Variants in TRPV3 observed in about 807,000 individuals in gnomAD.
The protein encoded by TRPV3 is VRL-3.
In TRPV3, 88 loss-of-function variants were observed where a neutral mutation model predicts 87.1. The observed-to-expected ratio is 1.01, with a 90% CI of 0.85 to 1.21. The LOEUF (loss-of-function observed/expected upper bound fraction) is 1.21. Among genes scored for constraint, TRPV3 ranks in the 50% most tolerant of loss-of-function variants. The probability of loss-of-function intolerance (pLI) is 0.00; values close to 1 mark genes in which losing one functional copy is unlikely to be tolerated. For synonymous variants in TRPV3, 438 were observed against 423.3 expected (o/e 1.03, Z -0.43); for missense variants, 1,054 against 1,030.1 (o/e 1.02, Z -0.32).
At chr17:3,529,932 C>A in intron 9 of TRPV3, 95 bp downstream of exon 9, 1 of 1,405,794 alleles carries the variant, frequency 7.1e-7, no homozygotes, top group South Asian at 1.4e-5. Context: ...AGGGATGGAG[C>A]TGGCAGCACT....
intron 3 of TRPV3, 63 bp downstream of exon 3, chr17:3,545,103 TG>T: frequency 8.3e-7 from 1 of 1,211,448 alleles, no homozygotes. Flanking sequence ...GGCAAGTCAC[TG>T]GCCACATGCT....
chr17:3,531,827 G>C (rs1184284086), intron 8 of TRPV3, among the ~76,000 whole-genome samples: 1 of 152,128 alleles, frequency 6.6e-6, no homozygotes. Context: ...GAATCAAAAG[G>C]CCCCTTGTGG....
Position 3,518,682 on chromosome 17 carries a change from G to A in TRPV3, c.1979C>T (p.Thr660Ile). ...YPILFLFLLI[T>I]YVILTFVLLL... ...GAGAACAAAGGTGAGGATGACATAGGTGATGAGCAGGAACAGAAAGAGAAT... is the reference window on the plus strand; with the variant it reads ...GAGAACAAAGGTGAGGATGACATAGATGATGAGCAGGAACAGAAAGAGAAT... The change falls in exon 15 of 18, where the codon ACC becomes ATC. Residue 660 changes from threonine to isoleucine, a missense_variant. Thr to Ile is a moderately conservative substitution (Grantham distance 89, BLOSUM62 -1). Coordinates refer to ENST00000576742, the MANE Select transcript of TRPV3 (RefSeq NM_145068.4). This position sits in a 1 kb window ranked among gnomAD's most constrained non-coding sequence, Gnocchi z 4.3. The A allele has an allele frequency of 6.2e-7, 1 of 1,609,110 alleles. No homozygotes were observed. The highest frequency in any genetic ancestry group is 8.5e-7 in the Non-Finnish European group (1 of 1,177,834).
Position 3,545,207 on chromosome 17 carries a change from G to C in TRPV3, c.184C>G (p.Pro62Ala). 6.2e-7 allele frequency: 1 copy of C among 1,614,018 alleles called. No homozygotes were observed. Among genetic ancestry groups the C allele is most frequent in the Admixed American group, 1.7e-5 (1 of 60,008 alleles). The change falls in exon 3 of 18, where the codon CCT (proline) becomes GCT (alanine). Residue 62 changes from proline to alanine, a missense_variant. Transcript: ENST00000576742. Reference protein sequence around the residue: ...PNPTVAKTSPPVFSKPMDSNI... With the variant: ...PNPTVAKTSPAVFSKPMDSNI... Reference sequence around the variant, plus strand: ...GAATCCATGGGCTTGGAGAAGACAGGAGGAGAGGTCTTGGCAACTGTGGGG... The same window carrying C: ...GAATCCATGGGCTTGGAGAAGACAGCAGGAGAGGTCTTGGCAACTGTGGGG...
At chr17:3,536,799 A>G (rs1297185151) in intron 6 of TRPV3, among the ~76,000 whole-genome samples, 1 of 152,116 alleles carries the variant, frequency 6.6e-6, no homozygotes, top group Non-Finnish European at 1.5e-5. Context: ...GCAAGAGGAA[A>G]GAAGGGTAGC....
chr17:3,524,816 A>G (rs1445531655), intron 12 of TRPV3, among the ~76,000 whole-genome samples: 1 of 151,796 alleles, frequency 6.6e-6, no homozygotes, highest in African/African-American at 2.4e-5. Context: ...TACAAAAAAA[A>G]AAAAAAAAAG....
At chr17:3,520,141 C>G (rs1433743183) in intron 14 of TRPV3, among the ~76,000 whole-genome samples, 3 of 151,958 alleles carry the variant, frequency 2.0e-5, no homozygotes, top group East Asian at 1.9e-4. Context: ...ATGGAAACAG[C>G]TACTTAATTT....
At chr17:3,525,299 C>G (rs1220399172) in intron 12 of TRPV3, among the ~76,000 whole-genome samples, 1 of 152,178 alleles carries the variant, frequency 6.6e-6, no homozygotes, top group East Asian at 1.9e-4. Context: ...GGATTACAGG[C>G]GTGAGCCAAC....
At chr17:3,550,555 C>T (rs1019994496) in intron 2 of TRPV3, among the ~76,000 whole-genome samples, 4 of 118,018 alleles carry the variant, frequency 3.4e-5, no homozygotes, top group Admixed American at 1.2e-4. Context: ...GATGGAGTCT[C>T]GCTCTGTCGC....
intron 6 of TRPV3, among the ~76,000 whole-genome samples, chr17:3,541,485 G>T (rs148257454): frequency 6.6e-6 from 1 of 152,120 alleles, no homozygotes; most frequent in Non-Finnish European, 1.5e-5. Context: ...ACCGTAAAGC[G>T]CTGTTGACTG....
intron 6 of TRPV3, among the ~76,000 whole-genome samples, chr17:3,536,034 A>C (rs943897744): frequency 6.6e-6 from 1 of 152,218 alleles, no homozygotes; most frequent in Non-Finnish European, 1.5e-5. Flanking sequence ...AGAGGGGTGC[A>C]GGAGCTGCGG....
In TRPV3 at chr17:3,551,525, G is replaced by T. The variant is rs150903276; in HGVS notation, c.119+3207C>A. On this transcript the variant is annotated intron_variant, in intron 2 of 17. Coordinates refer to ENST00000576742, the MANE Select transcript of TRPV3 (RefSeq NM_145068.4). The stretch of plus-strand genomic sequence containing the variant: ...TCTATACCATTTCTACTGCATTTCT[G>T]TTCCTTAAAGTCGAAGAACTGTCCC... Among the ~76,000 whole-genome samples, 662 of 152,294 alleles carry T rather than the reference G, an allele frequency of 4.3e-3. 5 individuals are homozygous for T. The highest frequency in any genetic ancestry group is 0.015 in the African/African-American group (609 of 41,568).
rs1000647396 is a variant in TRPV3 at position 3,512,850 on chromosome 17, G to C, written c.*1067C>G. 4 of 152,160 alleles carry C rather than the reference G, an allele frequency of 2.6e-5. No homozygotes were observed. The highest frequency in any genetic ancestry group is 9.7e-5 in the African/African-American group (4 of 41,426). 9.4% of individuals were successfully genotyped at this position (152,160 alleles called of 1,614,324 possible). A position where few individuals can be genotyped will look rare whatever the true frequency, so the allele number is the denominator to read the frequency against. On this transcript the variant is annotated 3_prime_UTR_variant, in exon 18 of 18. Transcript: ENST00000576742. ...AATACTTCGTACCAAAGCAGTTGAG[G>C]CATTTTGTTAAATTCCCCCACTGAG...
At position 3,556,759 on chromosome 17, in the gene TRPV3, G is replaced by C. The variant is rs77812164; in HGVS notation, c.-3+917C>G. ...CCAGGCAGGTGGAGTAGCCCACAGAGAGGGACTCCTGGGCACCCGGCCCTC... is the reference window on the plus strand; with the variant it reads ...CCAGGCAGGTGGAGTAGCCCACAGACAGGGACTCCTGGGCACCCGGCCCTC... On this transcript the variant is annotated intron_variant, in intron 1 of 17. Coordinates refer to ENST00000576742, the MANE Select transcript of TRPV3 (RefSeq NM_145068.4). The surrounding 1 kb of genome is among the most constrained non-coding windows in gnomAD (Gnocchi z 4.2). 0.063 allele frequency among the ~76,000 whole-genome samples: 9,605 copies of C among 152,256 alleles called. 461 individuals carry two copies. Among genetic ancestry groups the C allele is most frequent in the African/African-American group, 0.13 (5,258 of 41,538 alleles).
chr17:3,525,158 T>C (rs566962817), intron 12 of TRPV3, among the ~76,000 whole-genome samples: 1 of 150,168 alleles, frequency 6.7e-6, no homozygotes. Flanking sequence ...TAGCTGGGAT[T>C]ACAGGCACCC....
intron 4 of TRPV3, among the ~76,000 whole-genome samples, chr17:3,544,127 G>T (rs1271220198): frequency 1.3e-5 from 2 of 152,190 alleles, no homozygotes; most frequent in Non-Finnish European, 2.9e-5. Context: ...TCCTGCCTCA[G>T]CCTCCTCAGT....
Position 3,528,082 on chromosome 17 carries a change from C to T in TRPV3, c.1446G>A (p.Leu482=), listed in dbSNP as rs761172453. The T allele has an allele frequency of 6.2e-7, 1 of 1,613,674 alleles. No homozygotes were observed. Among genetic ancestry groups the T allele is most frequent in the East Asian group, 2.2e-5 (1 of 44,878 alleles). The change falls in exon 11 of 18, where the codon CTG becomes CTA. Residue 482 remains leucine, a synonymous_variant. Transcript: ENST00000576742. This position sits in a 1 kb window ranked among gnomAD's most constrained non-coding sequence, Gnocchi z 4.2. ...PLALTHKMGW[L]QLLGRMFVLI... is the part of the protein sequence containing the mutation. Reference sequence around the variant, plus strand: ...GCACAAACATCCTCCCTAGGAGCTGCAGCCACCCCATCTTGTGCGTCAGGG... The same window carrying T: ...GCACAAACATCCTCCCTAGGAGCTGTAGCCACCCCATCTTGTGCGTCAGGG...
rs1236618290 is a variant in TRPV3 at position 3,544,680 on chromosome 17, AG to A, written c.225-16del. ...TACCAGAGATGCTGGAGGTGTTGGC[AG>A]GGGGAACAGAGAGGGTTTTAAAGTT... On this transcript the variant is annotated splice_polypyrimidine_tract_variant and intron_variant, in intron 3 of 17. Coordinates refer to ENST00000576742, the MANE Select transcript of TRPV3 (RefSeq NM_145068.4). 4 of 1,593,980 alleles carry A rather than the reference AG, an allele frequency of 2.5e-6. No homozygotes were observed. The highest frequency in any genetic ancestry group is 1.7e-5 in the Admixed American group (1 of 59,376).
At chr17:3,551,562 G>C (rs1490022593) in intron 2 of TRPV3, among the ~76,000 whole-genome samples, 1 of 152,236 alleles carries the variant, frequency 6.6e-6, no homozygotes, top group African/African-American at 2.4e-5. Context: ...GAACAGCCCA[G>C]GGCTGGGAAG....
Sources: allele counts gnomAD v4.1 joint callset (sites outside exome capture counted in the v4.1 genomes callset), GRCh38; gene constraint gnomAD v4.1.1; non-coding constraint Gnocchi (gnomAD v3.1); transcripts MANE v1.5; gene names NCBI Gene and HGNC (gene_info 2026-07-23, HGNC 2026-07-21).